The following CNTN4 variants were observed in gnomAD, a reference collection of about 807,000 sequenced individuals.
CNTN4 encodes contactin-4.
In CNTN4, 77 loss-of-function variants were observed where a neutral mutation model predicts 122.5. That is an observed-to-expected ratio of 0.63 (90% CI 0.52 to 0.76). The LOEUF is 0.76. Ranked by LOEUF, CNTN4 falls within the 30% of genes least tolerant of loss-of-function variation. The pLI, the probability that CNTN4 is intolerant of heterozygous loss-of-function variation, is 0.00. For missense variants in CNTN4, 1,256 were observed against 1,259.1 expected, an observed-to-expected ratio of 1.00 and a Z score of 0.04; for synonymous variants, 512 against 447.0, an observed-to-expected ratio of 1.15 and a Z score of -1.83.
chr3:2,785,220 C>T (rs541521886), intron 6 of CNTN4, among the ~76,000 whole-genome samples: 1 of 151,984 alleles, frequency 6.6e-6, no homozygotes, highest in African/African-American at 2.4e-5. Context: ...AGTCCCATGA[C>T]CTTCTGCCTG....
chr3:2,487,320 G>C (rs1358508618), intron 3 of CNTN4, among the ~76,000 whole-genome samples: 1 of 152,110 alleles, frequency 6.6e-6, no homozygotes, highest in Non-Finnish European at 1.5e-5. Flanking sequence ...CCAATTCGTA[G>C]TATGGAGGGT....
At chr3:2,701,242 G>A (rs1423050607) in intron 4 of CNTN4, among the ~76,000 whole-genome samples, 1 of 152,158 alleles carries the variant, frequency 6.6e-6, no homozygotes, top group Non-Finnish European at 1.5e-5. Flanking sequence ...GGCAGGAAGA[G>A]CCCACTCTAC....
intron 6 of CNTN4, among the ~76,000 whole-genome samples, chr3:2,812,470 C>A (rs1402585188): frequency 1.3e-5 from 2 of 152,102 alleles, no homozygotes; most frequent in Non-Finnish European, 2.9e-5. Context: ...GATAAGATAT[C>A]TGATTCACTT....
chr3:2,298,479 T>C (rs780525693), intron 2 of CNTN4, among the ~76,000 whole-genome samples: 78 of 152,300 alleles, frequency 5.1e-4, no homozygotes, highest in Non-Finnish European at 9.1e-4. Context: ...CAAAATGCCC[T>C]TGAAAAAAAT....
chr3:2,563,449 A>G (rs138100177), intron 3 of CNTN4, among the ~76,000 whole-genome samples: 76 of 152,316 alleles, frequency 5.0e-4, no homozygotes, highest in South Asian at 2.3e-3. Context: ...AGAAACTACT[A>G]TATAGTAAAT....
intron 2 of CNTN4, among the ~76,000 whole-genome samples, chr3:2,176,129 C>G (rs1360770579): frequency 6.6e-6 from 1 of 152,124 alleles, no homozygotes; most frequent in Non-Finnish European, 1.5e-5. Context: ...GTCATGCTTC[C>G]TGAAATCACA....
At chr3:2,962,443 C>G (rs2094871039) in intron 13 of CNTN4, among the ~76,000 whole-genome samples, 1 of 152,198 alleles carries the variant, frequency 6.6e-6, no homozygotes, top group Non-Finnish European at 1.5e-5. Flanking sequence ...ATAACTCTAG[C>G]TAACTCAAGC....
chr3:2,671,410 A>G (rs973328981), intron 4 of CNTN4, among the ~76,000 whole-genome samples: 2 of 152,126 alleles, frequency 1.3e-5, no homozygotes, highest in African/African-American at 2.4e-5. Context: ...CGTTCGTCAC[A>G]TAGTTCTCGT....
At chr3:2,107,459 A>C (rs2032543838) in intron 2 of CNTN4, among the ~76,000 whole-genome samples, 1 of 152,114 alleles carries the variant, frequency 6.6e-6, no homozygotes, top group South Asian at 2.1e-4. Flanking sequence ...AAAGGAGGAA[A>C]ATCCCCTTAT....
chr3:3,043,631 C>G lies in CNTN4; in HGVS notation c.2738C>G (p.Ser913Ter). The change falls in exon 23 of 25, where the codon TCA becomes TGA. Residue 913 changes from serine (S) to a stop codon, truncating the protein, a stop_gained. Transcript: ENST00000418658. LOFTEE classifies it high-confidence loss of function. ...CCCGGAAACATCATATGGAATTCAT[C>G]AGACTCCAAAATTATCCTGAATTGG... ...QPPGNIIWNS[S>*]DSKIILNWDQ... The G allele has an allele frequency of 6.2e-7, 1 of 1,614,028 alleles. No individual in the cohort carries two copies. The highest frequency in any genetic ancestry group is 8.5e-7 in the Non-Finnish European group (1 of 1,179,902).
chr3:2,927,477 A>G, intron 13 of CNTN4: 1 of 326,056 alleles, frequency 3.1e-6, no homozygotes, highest in South Asian at 2.6e-5. Flanking sequence ...AAAACAGGTC[A>G]CATGTTCCTG....
intron 13 of CNTN4, among the ~76,000 whole-genome samples, chr3:2,979,814 A>G (rs1693788731): frequency 6.6e-6 from 1 of 152,058 alleles, no homozygotes; most frequent in Non-Finnish European, 1.5e-5. Flanking sequence ...TTCTGAAGGG[A>G]TTTATTTCTA....
chr3:2,990,518 C>T (rs1694958862), intron 14 of CNTN4, among the ~76,000 whole-genome samples: 1 of 152,138 alleles, frequency 6.6e-6, no homozygotes, highest in South Asian at 2.1e-4. Flanking sequence ...TATCATCCTT[C>T]TTATAAGTAT....
Position 2,542,867 on chromosome 3 carries a change from A to G in CNTN4, c.-88-28549A>G, listed in dbSNP as rs946635846. Among the ~76,000 whole-genome samples, 3 of 152,110 alleles carry G rather than the reference A, an allele frequency of 2.0e-5. 1 individual carries two copies. Among genetic ancestry groups the G allele is most frequent in the African/African-American group, 7.2e-5 (3 of 41,440 alleles). ...GGACTGACTCAGTGCTCTTTGTGGA[A>G]CTAGAAGATCAGAAAACAACTGATC... On this transcript the variant is annotated intron_variant, in intron 3 of 24. Transcript: ENST00000418658.
rs1035556994 is a variant in CNTN4, at chr3:2,223,787, T to C, written c.-144-115391T>C. 5.3e-5 allele frequency among the ~76,000 whole-genome samples: 8 copies of C among 152,200 alleles called. 1 individual carries two copies. The highest frequency in any genetic ancestry group is 3.4e-3 in the Middle Eastern group (1 of 294). On this transcript the variant is annotated intron_variant, in intron 2 of 24. Transcript: ENST00000418658. ...ACATGGTAGTATAAGGGAGGGAAAATGGCTTCCCGCTTTGACACAAGGCTG... is the reference window on the plus strand; with the variant it reads ...ACATGGTAGTATAAGGGAGGGAAAACGGCTTCCCGCTTTGACACAAGGCTG...
At chr3:2,732,733 A>G (rs1248833825) in intron 4 of CNTN4, among the ~76,000 whole-genome samples, 1 of 152,128 alleles carries the variant, frequency 6.6e-6, no homozygotes, top group Non-Finnish European at 1.5e-5. Context: ...CTTTTTTCTC[A>G]AAAACATTGT....
chr3:2,943,610 ATT>A lies in CNTN4; in HGVS notation c.1358+17833_1358+17834del, dbSNP rs1559699016. Among the ~76,000 whole-genome samples, 16 of 118,438 alleles carry A rather than the reference ATT, an allele frequency of 1.4e-4. No homozygotes were observed. In the South Asian group the frequency reaches 3.8e-3, roughly 28 times the overall value. 77.7% of individuals were successfully genotyped at this position (118,438 alleles called of 152,430 possible). A position where few individuals can be genotyped will look rare whatever the true frequency, so the allele number is the denominator to read the frequency against. On this transcript the variant is annotated intron_variant, in intron 13 of 24. Coordinates refer to ENST00000418658, the MANE Select transcript of CNTN4 (RefSeq NM_175607.3). ...AGGTAATATATAAATATATAAATAT[ATT>A]TATATATATATATATATATTTTTTT...
chr3:2,407,676 A>T (rs567491715), intron 3 of CNTN4, among the ~76,000 whole-genome samples: 1 of 152,310 alleles, frequency 6.6e-6, no homozygotes, highest in East Asian at 1.9e-4. Context: ...GAAGGTGGAA[A>T]TAGCACTGTA....
chr3:2,798,377 C>CTATCTATCTATCTATCTATCTATA (rs1164322999), intron 6 of CNTN4, among the ~76,000 whole-genome samples: 1 of 150,292 alleles, frequency 6.7e-6, no homozygotes, highest in African/African-American at 2.4e-5. Flanking sequence ...ATCTATCTAT[C>CTATCTATCTATCTATCTATCTATA]TATCTATCTA....
Sources: gnomAD v4.1 joint callset for allele counts (sites outside exome capture counted in the v4.1 genomes callset) on GRCh38, gnomAD v4.1.1 for gene constraint, MANE v1.5 for transcripts, NCBI Gene and HGNC (gene_info 2026-07-23, HGNC 2026-07-21) for gene names.